DEGS2: variants seen among roughly 807,000 people sequenced by gnomAD.
DEGS2 encodes sphingolipid delta(4)-desaturase/C4-monooxygenase DES2.
Under a neutral mutation model 23.8 loss-of-function variants are expected in DEGS2, and 19 were observed. The observed-to-expected ratio is 0.80, with a 90% CI of 0.56 to 1.17. DEGS2 has a LOEUF of 1.17. Among genes scored for constraint, DEGS2 ranks in the 50% most tolerant of loss-of-function variants. The pLI is 0.00. For synonymous variants in DEGS2, 218 were observed against 213.7 expected, an observed-to-expected ratio of 1.02 and a Z score of -0.18; for missense variants, 390 against 459.5, an observed-to-expected ratio of 0.85 and a Z score of 1.38.
At chr14:100,163,773 G>A (rs2140428987), upstream of DEGS2, among the ~76,000 whole-genome samples, 1 of 152,310 alleles carries the variant, frequency 6.6e-6, no homozygotes, top group East Asian at 1.9e-4. Flanking sequence ...CAGGTGAAGT[G>A]CAGTGGTGCA....
chr14:100,151,064 G>A (rs1454934009), intron 1 of DEGS2, among the ~76,000 whole-genome samples: 2 of 151,976 alleles, frequency 1.3e-5, no homozygotes, highest in African/African-American at 2.4e-5. Context: ...TAGTGCAGGC[G>A]GGTCCCAACA....
rs1595275111 is a variant in DEGS2 at position 100,149,292 on chromosome 14, G to A, written c.501C>T (p.Pro167=). The stretch of plus-strand genomic sequence containing the variant: ...AGAGCGGCCGTAGTGAGTAGAAGAA[G>A]GGCTGCAGCACCAGCCAGAGCAGCT... ...ARKLLWLVLQ[P]FFYSLRPLCV... is the part of the protein sequence containing the mutation. The change falls in exon 2 of 3, where the codon CCC becomes CCT. Residue 167 remains proline, a synonymous_variant. Coordinates refer to ENST00000305631, the MANE Select transcript of DEGS2 (RefSeq NM_206918.3). 2.5e-6 allele frequency: 4 copies of A among 1,612,754 alleles called. No homozygotes were observed. The highest frequency in any genetic ancestry group is 3.4e-6 in the Non-Finnish European group (4 of 1,179,864).
chr14:100,161,799 G>A (rs532937343), upstream of DEGS2, among the ~76,000 whole-genome samples: 16 of 152,340 alleles, frequency 1.1e-4, no homozygotes, highest in East Asian at 3.1e-3. Flanking sequence ...GCCGGGCATG[G>A]TGGCTCACGC....
chr14:100,165,144 G>GC, the DEGS2 span, among the ~76,000 whole-genome samples: 1 of 152,202 alleles, frequency 6.6e-6, no homozygotes, highest in South Asian at 2.1e-4. Flanking sequence ...ACAGCCCACA[G>GC]CCCACTACCT....
chr14:100,159,512 T>G lies in DEGS2; in HGVS notation c.76A>C (p.Ile26Leu). The G allele has an allele frequency of 6.7e-7, 1 of 1,496,438 alleles. No individual in the cohort carries two copies. Among genetic ancestry groups the G allele is most frequent in the Non-Finnish European group, 8.9e-7 (1 of 1,123,986 alleles). 92.7% of individuals were successfully genotyped at this position (1,496,438 alleles called of 1,614,324 possible). The change falls in exon 1 of 3, where the codon ATA (isoleucine) becomes CTA (leucine). Residue 26 changes from isoleucine (I) to leucine (L), a missense_variant. Ile to Leu is a conservative substitution (Grantham distance 5). Transcript: ENST00000305631. ...GGCCCCGCGCGGCGCTCACCCAGTA[T>G]CTCCTTGCGCCGCTGCGTGTGCGGC... ...DQPHTQRRKE[I>L]LAKYPAIKAL...
chr14:100,158,487 G>A (rs961131912), intron 1 of DEGS2, among the ~76,000 whole-genome samples: 2 of 152,188 alleles, frequency 1.3e-5, no homozygotes, highest in Admixed American at 6.5e-5. Context: ...GCTTGAACCT[G>A]GGAGGCGGGG....
chr14:100,153,243 T>C (rs1007819847), intron 1 of DEGS2, among the ~76,000 whole-genome samples: 1 of 146,736 alleles, frequency 6.8e-6, no homozygotes, highest in Non-Finnish European at 1.5e-5. Flanking sequence ...GCGACAGTAA[T>C]GGCAAAAACA....
At chr14:100,153,366 ACAGGGCCTCTTC>A (rs142864651) in intron 1 of DEGS2, among the ~76,000 whole-genome samples, 10,289 of 152,136 alleles carry the variant, frequency 0.068, 410 homozygotes, top group East Asian at 0.18. Context: ...GAACACTAAT[ACAGGGCCTCTTC>A]CAGGGCCTCA....
At position 100,149,513 on chromosome 14, in the gene DEGS2, T is replaced by C; in HGVS notation, c.280A>G (p.Asn94Asp). Residue 94 changes from asparagine to aspartate, a missense_variant, in exon 2 of 3, where the codon AAC becomes GAC. Coordinates refer to ENST00000305631, the MANE Select transcript of DEGS2 (RefSeq NM_206918.3). ...GCACGGCCCGTGCCGAAGGCCGCGT[T>C]GTGCGAGATGTCGTGGATGGCCAGC... ...LTLAIHDISH[N>D]AAFGTGRAAR... 4 of 1,602,064 alleles carry C rather than the reference T, an allele frequency of 2.5e-6. No individual in the cohort carries two copies. Among genetic ancestry groups the C allele is most frequent in the Non-Finnish European group, 3.4e-6 (4 of 1,175,850 alleles).
rs1386132124 is a variant in DEGS2 at position 100,149,151 on chromosome 14, G to A, written c.642C>T (p.Ala214=). The A allele has an allele frequency of 1.2e-6, 2 of 1,612,988 alleles. No homozygotes were observed. The highest frequency in any genetic ancestry group is 1.7e-6 in the Non-Finnish European group (2 of 1,179,984). ...WGLKPVVYLL[A]SSFLGLGLHP... is the part of the protein sequence containing the mutation. ...GCAGGCCCAGGCCCAGGAAGGAGCT[G>A]GCCAGCAGGTAGACCACGGGCTTGA... Residue 214 remains alanine, a synonymous_variant, in exon 2 of 3, where the codon GCC becomes GCT. Transcript: ENST00000305631.
intron 1 of DEGS2, among the ~76,000 whole-genome samples, chr14:100,150,905 G>A (rs1349243316): frequency 6.6e-6 from 1 of 152,166 alleles, no homozygotes; most frequent in Non-Finnish European, 1.5e-5. Context: ...CTATGGGCTG[G>A]TCCTATCTCC....
At position 100,143,959 on chromosome 14, in the gene DEGS2, G is replaced by A. The variant is rs187328028; in HGVS notation, c.*2802C>T. Reference sequence around the variant, plus strand: ...CTGACACGGAACACCAGGTCTGCTCGTCTTTTTTGTGTTTTATATTTGCTT... The same window carrying A: ...CTGACACGGAACACCAGGTCTGCTCATCTTTTTTGTGTTTTATATTTGCTT... On this transcript the variant is annotated 3_prime_UTR_variant, in exon 3 of 3. Coordinates refer to ENST00000305631, the MANE Select transcript of DEGS2 (RefSeq NM_206918.3). The A allele has an allele frequency of 1.7e-4, 93 of 549,124 alleles. 1 individual carries two copies. The highest frequency in any genetic ancestry group is 1.3e-3 in the African/African-American group (68 of 52,298). 34.0% of individuals were successfully genotyped at this position (549,124 alleles called of 1,614,324 possible). A position where few individuals can be genotyped will look rare whatever the true frequency, so the allele number is the denominator to read the frequency against.
chr14:100,154,035 G>C (rs1889617847), intron 1 of DEGS2, among the ~76,000 whole-genome samples: 1 of 152,216 alleles, frequency 6.6e-6, no homozygotes, highest in African/African-American at 2.4e-5. Flanking sequence ...CACCGATCTA[G>C]TGCTTGGCTA....
At chr14:100,165,599 C>T in the DEGS2 span, among the ~76,000 whole-genome samples, 31 of 152,308 alleles carry the variant, frequency 2.0e-4, 1 homozygote, top group South Asian at 5.8e-3. Flanking sequence ...ACGGGCGGTG[C>T]CCCCGCCTGC....
chr14:100,148,957 C>T lies in DEGS2; in HGVS notation c.825+11G>A. The T allele has an allele frequency of 1.2e-6, 2 of 1,609,582 alleles. No homozygotes were observed. The highest frequency in any genetic ancestry group is 1.7e-6 in the Non-Finnish European group (2 of 1,177,818). On this transcript the variant is annotated intron_variant, in intron 2 of 2. Coordinates refer to ENST00000305631, the MANE Select transcript of DEGS2 (RefSeq NM_206918.3). ...CTGCCCCGCCGCAGCCCTGCCAGCC[C>T]AGCCACATACCAGCGGCAGGTTGTA...
chr14:100,150,908 C>T (rs1243262391), intron 1 of DEGS2, among the ~76,000 whole-genome samples: 1 of 152,196 alleles, frequency 6.6e-6, no homozygotes, highest in African/African-American at 2.4e-5. Flanking sequence ...TGGGCTGGTC[C>T]TATCTCCCAT....
chr14:100,154,795 C>CA lies in DEGS2; in HGVS notation c.82+4710dup, dbSNP rs1889632010. Among the ~76,000 whole-genome samples the CA allele has an allele frequency of 2.6e-5, 4 of 152,326 alleles. 1 individual carries two copies. Among genetic ancestry groups the CA allele is most frequent in the African/African-American group, 9.6e-5 (4 of 41,570 alleles). On this transcript the variant is annotated intron_variant, in intron 1 of 2. Transcript: ENST00000305631. ...AGGGACCGCATCAGAAACAGGCAGC[C>CA]AGGCCAGAGAGGCTGCTGTACCCTT...
chr14:100,154,298 G>A (rs1409283250), intron 1 of DEGS2, among the ~76,000 whole-genome samples: 3 of 151,074 alleles, frequency 2.0e-5, no homozygotes, highest in South Asian at 2.1e-4. Context: ...CTGGGAGGCA[G>A]AGGTTGCAGT....
intron 2 of DEGS2, among the ~76,000 whole-genome samples, chr14:100,147,267 C>T (rs1283498629): frequency 6.6e-6 from 1 of 152,170 alleles, no homozygotes; most frequent in Non-Finnish European, 1.5e-5. Flanking sequence ...GAGCGCCTGC[C>T]CCAAGTGGTA....
Sources: gnomAD v4.1 joint callset for allele counts (sites outside exome capture counted in the v4.1 genomes callset) on GRCh38, gnomAD v4.1.1 for gene constraint, MANE v1.5 for transcripts, NCBI Gene and HGNC (gene_info 2026-07-23, HGNC 2026-07-21) for gene names.